The following SUPT3H variants were observed in gnomAD, a reference collection of about 807,000 sequenced individuals.
SUPT3H encodes SPT3 homolog, SAGA and STAGA complex component, also known as transcription initiation protein SPT3 homolog.
Under a neutral mutation model 44.3 loss-of-function variants are expected in SUPT3H, and 44 were observed. That is an observed-to-expected ratio of 0.99 (90% confidence interval 0.78 to 1.28). The LOEUF is 1.28. SUPT3H is among the 50% of genes most tolerant of loss of function. SUPT3H has a pLI of 0.00. For synonymous variants in SUPT3H, 124 were observed against 125.6 expected, an observed-to-expected ratio of 0.99 and a Z score of 0.09; for missense variants, 380 against 387.1, an observed-to-expected ratio of 0.98 and a Z score of 0.15.
intron 3 of SUPT3H, among the ~76,000 whole-genome samples, chr6:45,027,512 T>C (rs1169334188): frequency 6.6e-6 from 1 of 152,224 alleles, no homozygotes; most frequent in East Asian, 1.9e-4. Context: ...GGTCATGTTT[T>C]CCTGTTATTT....
chr6:45,098,724 G>GATA, intron 3 of SUPT3H: 1 of 427,012 alleles, frequency 2.3e-6, no homozygotes, highest in Non-Finnish European at 4.6e-6. Flanking sequence ...TGGTAGTCTG[G>GATA]ATAATACCCT....
chr6:45,106,085 A>AT (rs1438380943), intron 2 of SUPT3H, 79 bp from the exon 3 acceptor site: 9 of 1,168,500 alleles, frequency 7.7e-6, no homozygotes, highest in Non-Finnish European at 1.1e-5. Context: ...TTATTACATG[A>AT]ATCAGTTTAG....
intron 2 of SUPT3H, among the ~76,000 whole-genome samples, chr6:45,163,986 A>C (rs1194962098): frequency 1.3e-5 from 2 of 152,162 alleles, no homozygotes; most frequent in Non-Finnish European, 2.9e-5. Context: ...TAACCCCAAA[A>C]TCAGTACTTG....
At chr6:44,913,716 G>A (rs955792114) in intron 10 of SUPT3H, among the ~76,000 whole-genome samples, 8 of 152,178 alleles carry the variant, frequency 5.3e-5, no homozygotes, top group African/African-American at 1.4e-4. Flanking sequence ...TTGTGTCTAT[G>A]AGAACACACA....
chr6:45,032,308 G>C (rs1583169985), intron 3 of SUPT3H, among the ~76,000 whole-genome samples: 3 of 152,060 alleles, frequency 2.0e-5, no homozygotes, highest in South Asian at 2.1e-4. Flanking sequence ...TCACTATCAG[G>C]TTATTAAAAA....
At chr6:45,110,388 G>C (rs974671551) in intron 2 of SUPT3H, among the ~76,000 whole-genome samples, 14 of 152,136 alleles carry the variant, frequency 9.2e-5, no homozygotes, top group African/African-American at 3.4e-4. Flanking sequence ...GTTTTAAAAA[G>C]ACAGCAGAAT....
intron 10 of SUPT3H, among the ~76,000 whole-genome samples, chr6:44,894,807 T>G (rs1005508197): frequency 4.6e-5 from 7 of 151,742 alleles, no homozygotes; most frequent in Admixed American, 1.3e-4. Context: ...GAAAACCATG[T>G]TAATAAGCAT....
intron 2 of SUPT3H, among the ~76,000 whole-genome samples, chr6:45,154,828 C>T (rs371649351): frequency 6.6e-6 from 1 of 152,138 alleles, no homozygotes; most frequent in Non-Finnish European, 1.5e-5. Flanking sequence ...GTTAAATAAA[C>T]GTGTATGCCC....
At chr6:44,855,536 C>T (rs3799972) in intron 10 of SUPT3H, among the ~76,000 whole-genome samples, 23,941 of 151,954 alleles carry the variant, frequency 0.16, 2,290 homozygotes, top group Admixed American at 0.28. Context: ...TGAAATGTGC[C>T]GTATTTGATT....
At chr6:44,939,105 T>C (rs1180607998) in intron 9 of SUPT3H, among the ~76,000 whole-genome samples, 2 of 152,216 alleles carry the variant, frequency 1.3e-5, no homozygotes, top group African/African-American at 2.4e-5. Flanking sequence ...CAGTACTATG[T>C]TGAATAGGAG....
At chr6:44,917,975 T>A (rs2153455586) in intron 10 of SUPT3H, among the ~76,000 whole-genome samples, 1 of 152,294 alleles carries the variant, frequency 6.6e-6, no homozygotes, top group East Asian at 1.9e-4. Flanking sequence ...ATTAGCAAAT[T>A]CACTCTAAGT....
intron 2 of SUPT3H, among the ~76,000 whole-genome samples, chr6:45,247,031 T>C (rs961355438): frequency 3.3e-5 from 5 of 152,092 alleles, no homozygotes; most frequent in African/African-American, 2.4e-5. Context: ...AACTTTAAAA[T>C]TGATAATTTT....
rs535627797 is a variant in SUPT3H, at chr6:45,146,153, A to T, written c.102-40147T>A. 7.9e-5 allele frequency among the ~76,000 whole-genome samples: 12 copies of T among 152,272 alleles called. No individual in the cohort carries two copies. The South Asian group carries it at 2.5e-3, about 32-fold the overall frequency. ...AAGTAGCACCATCATTTGATCCAGC[A>T]TCCCACTCCTGGGTATCTACCCAGA... On this transcript the variant is annotated intron_variant, in intron 2 of 10. Transcript: ENST00000371459.
In SUPT3H at chr6:45,279,515, T is replaced by A. The variant is rs530226028; in HGVS notation, c.101+85686A>T. 4.6e-5 allele frequency among the ~76,000 whole-genome samples: 7 copies of A among 152,210 alleles called. No individual in the cohort carries two copies. The South Asian group carries it at 1.0e-3, about 23-fold the overall frequency. ...TAAGTTCTGCCAAGATCTGATTTTT[T>A]AAAAATGTGTAGCACCTCCCCCCTT... On this transcript the variant is annotated intron_variant, in intron 2 of 10. Coordinates refer to ENST00000371459, the MANE Select transcript of SUPT3H (RefSeq NM_003599.4).
intron 6 of SUPT3H, among the ~76,000 whole-genome samples, chr6:44,993,567 A>C (rs921556389): frequency 6.6e-6 from 1 of 152,146 alleles, no homozygotes. Flanking sequence ...GATAGTATAA[A>C]AAGTCACAGA....
chr6:45,370,966 T>C (rs17288320), intron 1 of SUPT3H, among the ~76,000 whole-genome samples: 29,190 of 152,198 alleles, frequency 0.19, 3,617 homozygotes, highest in Non-Finnish European at 0.28. Context: ...ACTGCAAATG[T>C]GCCTATCAGA....
At chr6:44,882,038 G>C (rs1428243301) in intron 10 of SUPT3H, among the ~76,000 whole-genome samples, 1 of 152,126 alleles carries the variant, frequency 6.6e-6, no homozygotes, top group African/African-American at 2.4e-5. Flanking sequence ...ACTAAGATCA[G>C]AGCAGAAGTG....
chr6:45,131,509 C>T (rs189316134), intron 2 of SUPT3H, among the ~76,000 whole-genome samples: 1 of 152,084 alleles, frequency 6.6e-6, no homozygotes, highest in South Asian at 2.1e-4. Context: ...AACCACTGTA[C>T]CTCAAGTATA....
intron 2 of SUPT3H, among the ~76,000 whole-genome samples, chr6:45,241,759 G>A (rs1257707130): frequency 1.3e-5 from 2 of 152,072 alleles, no homozygotes; most frequent in African/African-American, 4.8e-5. Context: ...CATGACCAAT[G>A]AAAGAGAGTT....
Sources: gnomAD v4.1 joint callset for allele counts (sites outside exome capture counted in the v4.1 genomes callset) on GRCh38, gnomAD v4.1.1 for gene constraint, MANE v1.5 for transcripts, NCBI Gene and HGNC (gene_info 2026-07-23, HGNC 2026-07-21) for gene names.